SOD1: variants seen among roughly 807,000 people sequenced by gnomAD.
SOD1 encodes the protein superoxide dismutase 1.
A neutral mutation model predicts 15.9 loss-of-function variants in SOD1; 8 were observed. That is an observed-to-expected ratio of 0.50 (90% CI 0.30 to 0.91). The LOEUF (loss-of-function observed/expected upper bound fraction) is 0.91, where lower values mean the gene tolerates loss of function less well. Among genes scored for constraint, SOD1 ranks in the 40% least tolerant of loss-of-function variants. SOD1 has a pLI of 0.07. For synonymous variants in SOD1, 86 were observed against 71.2 expected (o/e 1.21, Z -1.04); for missense variants, 137 against 194.5 (o/e 0.70, Z 1.76).
In SOD1 at chr21:31,668,639, A is replaced by G; in HGVS notation, c.*61A>G. The G allele has an allele frequency of 8.3e-7, 1 of 1,205,364 alleles. No homozygotes were observed. Among genetic ancestry groups the G allele is most frequent in the South Asian group, 1.2e-5 (1 of 82,864 alleles). The allele number at this position is 1,205,364 out of a possible 1,614,324, so 74.7% of individuals were successfully genotyped here. ...CATCTGTTATCCTGCTAGCTGTAGA[A>G]ATGTATCCTGATAAACATTAAACAC... On this transcript the variant is annotated 3_prime_UTR_variant, in exon 5 of 5. Transcript: ENST00000270142.
chr21:31,663,978 GT>G (rs1355481139), intron 2 of SOD1, 92 bp downstream of exon 2: 21 of 955,778 alleles, frequency 2.2e-5, no homozygotes, highest in Admixed American at 3.6e-5. Flanking sequence ...CCCTCAACTT[GT>G]TTTTGTTTTT....
intron 2 of SOD1, 34 bp downstream of exon 2, chr21:31,663,920 G>T (rs1288598220): frequency 6.7e-7 from 1 of 1,482,820 alleles, no homozygotes. Flanking sequence ...ACCCATACTT[G>T]TTCACCCTAG....
chr21:31,663,911 C>CAAGTATGGGTCA, intron 2 of SOD1, 25 bp downstream of exon 2: 2 of 1,530,978 alleles, frequency 1.3e-6, no homozygotes, highest in Non-Finnish European at 9.1e-7. Flanking sequence ...GTGCTGGTGA[C>CAAGTATGGGTCA]CCATACTTGT....
chr21:31,667,400 A>AT (rs1568810855), intron 4 of SOD1, 25 bp downstream of exon 4: 1 of 1,452,594 alleles, frequency 6.9e-7, no homozygotes, highest in South Asian at 1.1e-5. Context: ...AAGGATATGC[A>AT]TAAAACTTCT....
chr21:31,668,291 C>G (rs914419199), intron 4 of SOD1, among the ~76,000 whole-genome samples, 180 bp from the exon 5 acceptor site: 2 of 151,946 alleles, frequency 1.3e-5, no homozygotes, highest in Non-Finnish European at 2.9e-5. Context: ...TTTGCAACAC[C>G]AAGAAAAAGC....
intron 1 of SOD1, among the ~76,000 whole-genome samples, chr21:31,660,932 T>C (rs1181346938): frequency 6.6e-6 from 1 of 152,372 alleles, no homozygotes. Context: ...GGCAGGTTGC[T>C]AAGATGGTCA....
chr21:31,659,975 G>A (rs1325962942), intron 1 of SOD1, 134 bp downstream of exon 1: 5 of 799,764 alleles, frequency 6.3e-6, no homozygotes, highest in South Asian at 3.5e-5. Flanking sequence ...GGCCCGTGCC[G>A]CCCGGTCGGT....
chr21:31,662,103 C>T (rs1219702992), intron 1 of SOD1, among the ~76,000 whole-genome samples: 1 of 152,152 alleles, frequency 6.6e-6, no homozygotes, highest in African/African-American at 2.4e-5. Flanking sequence ...AAGTTCATAG[C>T]CTGGTCCCTG....
At chr21:31,662,533 C>T (rs1387868944) in intron 1 of SOD1, among the ~76,000 whole-genome samples, 1 of 152,096 alleles carries the variant, frequency 6.6e-6, no homozygotes, top group Non-Finnish European at 1.5e-5. Flanking sequence ...TATGTAGCCA[C>T]GGAGCACCAT....
At chr21:31,660,508 G>C (rs980128003) in intron 1 of SOD1, 32 of 152,392 alleles carry the variant, frequency 2.1e-4, no homozygotes, top group African/African-American at 7.5e-4. Flanking sequence ...TGGGCTGCAA[G>C]GGCAGAGAAG....
intron 1 of SOD1, 156 bp downstream of exon 1, chr21:31,659,997 C>T: frequency 1.6e-6 from 1 of 642,444 alleles, no homozygotes; most frequent in Non-Finnish European, 2.5e-6. Context: ...CCTTCGCCCC[C>T]AGCGGTGCGG....
chr21:31,666,471 C>T lies in SOD1; in HGVS notation c.192C>T (p.His64=). The change falls in exon 3 of 5, where the codon CAC becomes CAT. Residue 64 remains histidine, a synonymous_variant. Coordinates refer to ENST00000270142, the MANE Select transcript of SOD1 (RefSeq NM_000454.5). ...NTAGCTSAGP[H]FNPLSRKHGG... Reference sequence around the variant, plus strand: ...TAGGCTGTACCAGTGCAGGTCCTCACTTTAATCCTCTATCCAGAAAACACG... The same window carrying T: ...TAGGCTGTACCAGTGCAGGTCCTCATTTTAATCCTCTATCCAGAAAACACG... 3 of 1,612,686 alleles carry T rather than the reference C, an allele frequency of 1.9e-6. No individual in the cohort carries two copies. Among genetic ancestry groups the T allele is most frequent in the South Asian group, 2.2e-5 (2 of 90,964 alleles).
In SOD1 at chr21:31,661,395, G is replaced by A. The variant is rs1000994601; in HGVS notation, c.72+1554G>A. On this transcript the variant is annotated intron_variant, in intron 1 of 4. Coordinates refer to ENST00000270142, the MANE Select transcript of SOD1 (RefSeq NM_000454.5). ...TGTTTTGTTTTTCAGACCAAGTCTC[G>A]CTCTGTCGCCCAGGCTGGAGTGCAG... 3.3e-5 allele frequency among the ~76,000 whole-genome samples: 5 copies of A among 152,196 alleles called. No individual in the cohort carries two copies. In the East Asian group the frequency reaches 7.7e-4, roughly 23 times the overall value.
intron 1 of SOD1, among the ~76,000 whole-genome samples, chr21:31,662,295 AAAAAG>A (rs2049554761): frequency 6.6e-6 from 1 of 152,240 alleles, no homozygotes; most frequent in African/African-American, 2.4e-5. Context: ...ATCTATTGTC[AAAAAG>A]AAAAGAATTT....
intron 4 of SOD1, 108 bp downstream of exon 4, chr21:31,667,483 T>C: frequency 1.2e-6 from 1 of 869,114 alleles, no homozygotes; most frequent in South Asian, 1.3e-5. Flanking sequence ...TAAACTGTAC[T>C]TGCAGTTCAA....
intron 2 of SOD1, among the ~76,000 whole-genome samples, chr21:31,665,681 C>T (rs1338322544): frequency 6.6e-6 from 1 of 152,164 alleles, no homozygotes; most frequent in Non-Finnish European, 1.5e-5. Context: ...GCCGCCCCCT[C>T]GAGTTGTGTA....
At chr21:31,664,614 G>T (rs1005228388) in intron 2 of SOD1, 5 of 152,496 alleles carry the variant, frequency 3.3e-5, no homozygotes, top group South Asian at 2.1e-4. Flanking sequence ...AGAAGAGGGT[G>T]TTTTTTTGTT....
intron 2 of SOD1, among the ~76,000 whole-genome samples, chr21:31,664,847 A>G (rs1188011987): frequency 6.6e-6 from 1 of 151,610 alleles, no homozygotes; most frequent in Non-Finnish European, 1.5e-5. Flanking sequence ...CTCTCTCCTG[A>G]CCTCGTGATC....
intron 1 of SOD1, among the ~76,000 whole-genome samples, chr21:31,663,125 CT>C (rs766108641): frequency 3.9e-3 from 447 of 114,234 alleles, no homozygotes; most frequent in Non-Finnish European, 4.6e-3. Flanking sequence ...GCGACTTTTT[CT>C]TTTTTTTTTT....
Sources: allele counts gnomAD v4.1 joint callset (sites outside exome capture counted in the v4.1 genomes callset), GRCh38; gene constraint gnomAD v4.1.1; transcripts MANE v1.5; gene names NCBI Gene and HGNC (gene_info 2026-07-23, HGNC 2026-07-21).